Variants in IMMP2L observed in about 807,000 individuals in gnomAD.
The protein encoded by IMMP2L is mitochondrial inner membrane protease subunit 2.
Under a neutral mutation model 19.3 loss-of-function variants are expected in IMMP2L, and 18 were observed. That is an observed-to-expected ratio of 0.93 (90% CI 0.64 to 1.38). The LOEUF (loss-of-function observed/expected upper bound fraction) is 1.38, where lower values mean the gene tolerates loss of function less well. Ranked by LOEUF, IMMP2L falls within the 40% of genes most tolerant of loss-of-function variation. IMMP2L has a pLI of 0.00. For missense variants in IMMP2L, 233 were observed against 218.2 expected (o/e 1.07, Z -0.43); for synonymous variants, 76 against 73.0 (o/e 1.04, Z -0.21).
intron 3 of IMMP2L, among the ~76,000 whole-genome samples, chr7:111,376,338 A>G (rs1255255099): frequency 6.6e-6 from 1 of 152,124 alleles, no homozygotes; most frequent in Non-Finnish European, 1.5e-5. Flanking sequence ...GGGAAATGCA[A>G]ATCAAAACCA....
intron 3 of IMMP2L, among the ~76,000 whole-genome samples, chr7:111,243,052 T>G (rs1297968228): frequency 2.6e-5 from 4 of 152,044 alleles, no homozygotes; most frequent in Non-Finnish European, 4.4e-5. Context: ...GTGAACCACA[T>G]GTCTGAAGGT....
At chr7:110,665,513 AT>A (rs761860453) in intron 5 of IMMP2L, among the ~76,000 whole-genome samples, 12 of 152,224 alleles carry the variant, frequency 7.9e-5, no homozygotes, top group Non-Finnish European at 1.3e-4. Context: ...TTCTATAGCC[AT>A]TATTTTAAAA....
intron 3 of IMMP2L, among the ~76,000 whole-genome samples, chr7:111,209,263 G>A (rs535862077): frequency 2.6e-5 from 4 of 152,044 alleles, no homozygotes; most frequent in African/African-American, 9.6e-5. Context: ...CACGCATGGT[G>A]GCACGCACCT....
intron 5 of IMMP2L, among the ~76,000 whole-genome samples, chr7:110,686,768 T>C (rs1793144185): frequency 6.6e-6 from 1 of 152,066 alleles, no homozygotes; most frequent in African/African-American, 2.4e-5. Context: ...TCCTCTTCCC[T>C]GAACGAACAC....
rs938489399 is a variant in IMMP2L at position 110,844,095 on chromosome 7, C to T, written c.408+42498G>A. On this transcript the variant is annotated intron_variant, in intron 5 of 5. Coordinates refer to ENST00000405709, the MANE Select transcript of IMMP2L (RefSeq NM_032549.4). ...TAAAAGATCACTGCCATTGCTGAGC[C>T]AACAGTGTGGTAAAAGAGAAGCCTC... Among the ~76,000 whole-genome samples the T allele has an allele frequency of 2.0e-5, 3 of 152,130 alleles. No individual in the cohort carries two copies. The East Asian group carries it at 5.8e-4, about 29-fold the overall frequency.
At chr7:111,324,465 A>C (rs1294784796) in intron 3 of IMMP2L, among the ~76,000 whole-genome samples, 2 of 152,006 alleles carry the variant, frequency 1.3e-5, no homozygotes, top group African/African-American at 4.8e-5. Flanking sequence ...ACTACAGACC[A>C]TAATTCATCA....
intron 3 of IMMP2L, among the ~76,000 whole-genome samples, chr7:111,000,569 C>T (rs942868395): frequency 2.0e-5 from 3 of 152,214 alleles, no homozygotes; most frequent in Admixed American, 1.3e-4. Context: ...ATGGATGGGG[C>T]GCAGTGGCTC....
At chr7:111,442,235 T>C (rs1837815912) in intron 3 of IMMP2L, among the ~76,000 whole-genome samples, 1 of 151,892 alleles carries the variant, frequency 6.6e-6, no homozygotes, top group South Asian at 2.1e-4. Flanking sequence ...GGGATTCCTT[T>C]TTGGGAGCCA....
intron 3 of IMMP2L, among the ~76,000 whole-genome samples, chr7:111,231,937 C>A (rs1378207078): frequency 6.6e-5 from 10 of 151,856 alleles, no homozygotes; most frequent in Non-Finnish European, 1.5e-5. Context: ...GGAAGTCAAT[C>A]TGAATCTTAA....
intron 3 of IMMP2L, among the ~76,000 whole-genome samples, chr7:111,406,512 G>T (rs1833911713): frequency 6.6e-6 from 1 of 151,972 alleles, no homozygotes; most frequent in African/African-American, 2.4e-5. Flanking sequence ...GCAAGGTGTG[G>T]CCTCTTGTTA....
chr7:110,703,711 C>T (rs992478784), intron 5 of IMMP2L, among the ~76,000 whole-genome samples: 4 of 151,974 alleles, frequency 2.6e-5, no homozygotes, highest in African/African-American at 9.7e-5. Flanking sequence ...TTGATGTTTG[C>T]AAATAGGTCT....
At chr7:111,499,280 G>C (rs1313457407) in intron 2 of IMMP2L, among the ~76,000 whole-genome samples, 1 of 152,136 alleles carries the variant, frequency 6.6e-6, no homozygotes, top group Non-Finnish European at 1.5e-5. Context: ...TCAGTACCGA[G>C]GAGCATGACT....
At chr7:111,300,979 T>C (rs1822165774) in intron 3 of IMMP2L, among the ~76,000 whole-genome samples, 2 of 152,122 alleles carry the variant, frequency 1.3e-5, no homozygotes, top group African/African-American at 4.8e-5. Context: ...CTGGGTCGTA[T>C]GGTAATTGCA....
rs137895539 is a variant in IMMP2L at position 111,366,508 on chromosome 7, T to C, written c.239+120730A>G. Reference sequence around the variant, plus strand: ...CACGGCTCCATGCTGGATCCTGTACTGGAGAGAAACAAAAAGCAAATGTTT... The same window carrying C: ...CACGGCTCCATGCTGGATCCTGTACCGGAGAGAAACAAAAAGCAAATGTTT... On this transcript the variant is annotated intron_variant, in intron 3 of 5. Transcript: ENST00000405709. 3.0e-3 allele frequency among the ~76,000 whole-genome samples: 456 copies of C among 152,022 alleles called. 2 individuals are homozygous for C. Among genetic ancestry groups the C allele is most frequent in the African/African-American group, 0.01 (425 of 41,532 alleles).
intron 3 of IMMP2L, among the ~76,000 whole-genome samples, chr7:111,206,807 C>A (rs1458840568): frequency 2.6e-5 from 4 of 151,996 alleles, no homozygotes; most frequent in Admixed American, 6.6e-5. Context: ...ATCTCCCAAG[C>A]AAGAGAACAA....
intron 3 of IMMP2L, among the ~76,000 whole-genome samples, chr7:111,197,825 T>G (rs548743542): frequency 6.6e-6 from 1 of 152,322 alleles, no homozygotes; most frequent in African/African-American, 2.4e-5. Flanking sequence ...TTTGCTCCTT[T>G]GAAAATTACT....
At chr7:111,477,589 T>C (rs564031960) in intron 3 of IMMP2L, among the ~76,000 whole-genome samples, 2 of 152,234 alleles carry the variant, frequency 1.3e-5, no homozygotes, top group East Asian at 3.9e-4. Flanking sequence ...TTGAAGGAAA[T>C]GTCTTTTTTC....
chr7:111,273,093 C>T (rs547689507), intron 3 of IMMP2L, among the ~76,000 whole-genome samples: 124 of 152,156 alleles, frequency 8.1e-4, no homozygotes, highest in Non-Finnish European at 1.2e-3. Context: ...GCCTGGCCAA[C>T]ATGGTGAAAC....
chr7:110,783,159 G>A lies in IMMP2L; in HGVS notation c.408+103434C>T, dbSNP rs531130904. On this transcript the variant is annotated intron_variant, in intron 5 of 5. Transcript: ENST00000405709. ...CTAATTAGCTTAAACTCAGCTATCA[G>A]GGACCATACAGAATAGGGAAAATGA... Among the ~76,000 whole-genome samples the A allele has an allele frequency of 3.3e-5, 5 of 151,866 alleles. No individual in the cohort carries two copies. In the South Asian group the frequency reaches 6.2e-4, roughly 19 times the overall value.
Sources: gnomAD v4.1 joint callset for allele counts (sites outside exome capture counted in the v4.1 genomes callset) on GRCh38, gnomAD v4.1.1 for gene constraint, MANE v1.5 for transcripts, NCBI Gene and HGNC (gene_info 2026-07-23, HGNC 2026-07-21) for gene names.